SEC23IP: variants seen among roughly 807,000 people sequenced by gnomAD.
SEC23IP encodes the protein SEC23-interacting protein.
In SEC23IP, 70 loss-of-function variants were observed where a neutral mutation model predicts 113.4. The observed-to-expected ratio is 0.62, with a 90% CI of 0.51 to 0.75. SEC23IP has a LOEUF of 0.75. Ranked by LOEUF, SEC23IP falls within the 30% of genes least tolerant of loss-of-function variation. The pLI is 0.00. For synonymous variants in SEC23IP, 398 were observed against 421.0 expected (o/e 0.95, Z 0.67); for missense variants, 1,160 against 1,204.9 (o/e 0.96, Z 0.55).
chr10:119,904,938 A>G (rs1854613669), intron 4 of SEC23IP, among the ~76,000 whole-genome samples: 1 of 152,156 alleles, frequency 6.6e-6, no homozygotes, highest in East Asian at 1.9e-4. Context: ...TTTTGAGACC[A>G]GCCTGACCAA....
chr10:119,934,233 C>T (rs578121375), intron 18 of SEC23IP, among the ~76,000 whole-genome samples: 92 of 152,274 alleles, frequency 6.0e-4, no homozygotes, highest in African/African-American at 2.1e-3. Flanking sequence ...TAAGGTGCCC[C>T]CATGGTTGCA....
At chr10:119,924,034 G>A (rs928589048) in intron 12 of SEC23IP, among the ~76,000 whole-genome samples, 2 of 152,230 alleles carry the variant, frequency 1.3e-5, no homozygotes, top group East Asian at 3.8e-4. Flanking sequence ...GAGGAACCCT[G>A]AAAATGTTCC....
At position 119,940,872 on chromosome 10, in the gene SEC23IP, G is replaced by A. The variant is rs2134549546; in HGVS notation, c.*307G>A. 6.6e-6 allele frequency: 1 copy of A among 152,322 alleles called. No homozygotes were observed. Among genetic ancestry groups the A allele is most frequent in the Non-Finnish European group, 1.5e-5 (1 of 68,034 alleles). The allele number at this position is 152,322 out of a possible 1,614,324, so 9.4% of individuals were successfully genotyped here. A position where few individuals can be genotyped will look rare whatever the true frequency, so the allele number is the denominator to read the frequency against. Reference sequence around the variant, plus strand: ...AGTTGTATAGTTGTCAAAGTTATATGTGATATCAATGAAGAAATATTTGTA... The same window carrying A: ...AGTTGTATAGTTGTCAAAGTTATATATGATATCAATGAAGAAATATTTGTA... On this transcript the variant is annotated 3_prime_UTR_variant, in exon 19 of 19. Coordinates refer to ENST00000369075, the MANE Select transcript of SEC23IP (RefSeq NM_007190.4).
chr10:119,900,207 T>C (rs1028132698), intron 2 of SEC23IP, among the ~76,000 whole-genome samples: 6 of 152,068 alleles, frequency 3.9e-5, no homozygotes, highest in African/African-American at 7.2e-5. Context: ...TCTCAGGAAA[T>C]TGAGTGTTGA....
chr10:119,940,274 G>A (rs1300504684), intron 18 of SEC23IP, among the ~76,000 whole-genome samples: 5 of 147,708 alleles, frequency 3.4e-5, no homozygotes, highest in African/African-American at 5.0e-5. Flanking sequence ...TGCAAGCTCC[G>A]CCTCCCGTGT....
At chr10:119,919,159 A>G (rs1004903582) in intron 10 of SEC23IP, among the ~76,000 whole-genome samples, 1 of 151,836 alleles carries the variant, frequency 6.6e-6, no homozygotes. Context: ...AAGCTGAGCT[A>G]ATTTTTGTGT....
At position 119,919,450 on chromosome 10, in the gene SEC23IP, G is replaced by A. The variant is rs1403606162; in HGVS notation, c.1879G>A (p.Glu627Lys). 1.3e-6 allele frequency: 2 copies of A among 1,593,052 alleles called. No individual in the cohort carries two copies. The highest frequency in any genetic ancestry group is 1.7e-6 in the Non-Finnish European group (2 of 1,174,396). ...CATACTTTTTTTTTTAAAGATGCCT[G>A]AAGAGCCAAAGCTGACTTTGGATGA... ...QLHFQEKQMPEEPKLTLDESY... is the reference protein window; with the variant it reads ...QLHFQEKQMPKEPKLTLDESY... The change falls in exon 11 of 19, where the codon GAA becomes AAA. Residue 627 changes from glutamate to lysine, a missense_variant. Physicochemically the swap from Glu to Lys is moderately conservative, Grantham distance 56. Transcript: ENST00000369075.
rs1195932154 is a variant in SEC23IP, at chr10:119,940,362, T to TATTTTC, written c.*21-222_*21-217dup. The stretch of plus-strand genomic sequence containing the variant: ...GCCACCATGCCCAGCTAATTTTTTG[T>TATTTTC]ATTTTCAGTAGAGATGGGGTTTCAC... On this transcript the variant is annotated intron_variant, in intron 18 of 18. Coordinates refer to ENST00000369075, the MANE Select transcript of SEC23IP (RefSeq NM_007190.4). 1.7e-4 allele frequency among the ~76,000 whole-genome samples: 26 copies of TATTTTC among 152,084 alleles called. 1 individual carries two copies. Among genetic ancestry groups the TATTTTC allele is most frequent in the African/African-American group, 6.3e-4 (26 of 41,484 alleles).
At chr10:119,938,171 G>A (rs72826468) in intron 18 of SEC23IP, among the ~76,000 whole-genome samples, 16,376 of 151,802 alleles carry the variant, frequency 0.11, 936 homozygotes, top group South Asian at 0.17. Context: ...TGCCTTAACG[G>A]AAGTTGAGTT....
intron 12 of SEC23IP, among the ~76,000 whole-genome samples, chr10:119,921,973 GTCT>G (rs1386891204): frequency 1.4e-5 from 1 of 71,644 alleles, no homozygotes; most frequent in African/African-American, 7.1e-5. Context: ...AAGGAATTGA[GTCT>G]TCTCAGCATT....
chr10:119,926,296 C>A, intron 13 of SEC23IP, 69 bp downstream of exon 13: 1 of 1,324,732 alleles, frequency 7.5e-7, no homozygotes, highest in South Asian at 1.6e-5. Context: ...TTTGGGTTGG[C>A]TTTAAGTTCT....
chr10:119,932,120 T>C lies in SEC23IP; in HGVS notation c.2573-13T>C, dbSNP rs745905943. 2.5e-6 allele frequency: 4 copies of C among 1,580,288 alleles called. No homozygotes were observed. The South Asian group carries it at 3.4e-5, about 13-fold the overall frequency. ...TGACTAATTAACTTGTTGTGTCATC[T>C]TAATCTCTTTAGAATTGAAAGAGAG... On this transcript the variant is annotated splice_polypyrimidine_tract_variant and intron_variant, in intron 15 of 18. Transcript: ENST00000369075.
In SEC23IP at chr10:119,898,908, T is replaced by C. The variant is rs1333318027; in HGVS notation, c.645T>C (p.Pro215=). 4 of 1,602,628 alleles carry C rather than the reference T, an allele frequency of 2.5e-6. No homozygotes were observed. The highest frequency in any genetic ancestry group is 2.2e-5 in the South Asian group (2 of 90,922). ...QTPGPPAHPP[P]SGPPVQMYQM... is the part of the protein sequence containing the mutation. ...CAGGCCCTCCTGCTCATCCTCCACCTTCTGGACCCCCTGTTCAGATGTACC... is the reference window on the plus strand; with the variant it reads ...CAGGCCCTCCTGCTCATCCTCCACCCTCTGGACCCCCTGTTCAGATGTACC... The change falls in exon 2 of 19, where the codon CCT becomes CCC. Residue 215 remains proline, a synonymous_variant. Transcript: ENST00000369075.
Position 119,939,521 on chromosome 10 carries a change from A to G in SEC23IP, c.*21-1065A>G, listed in dbSNP as rs1035751942. ...GAAATCTTGTCTCTACTAAAAATAC[A>G]AAAATTAGCCGGGCGTGGTAGCACA... On this transcript the variant is annotated intron_variant, in intron 18 of 18. Coordinates refer to ENST00000369075, the MANE Select transcript of SEC23IP (RefSeq NM_007190.4). Among the ~76,000 whole-genome samples, 10 of 151,938 alleles carry G rather than the reference A, an allele frequency of 6.6e-5. No individual in the cohort carries two copies. In the East Asian group the frequency reaches 1.8e-3, roughly 27 times the overall value.
At chr10:119,896,277 T>G (rs981373810) in intron 1 of SEC23IP, among the ~76,000 whole-genome samples, 6 of 152,226 alleles carry the variant, frequency 3.9e-5, no homozygotes, top group Admixed American at 3.9e-4. Context: ...TGGCACAGAA[T>G]GCATCCTGAG....
chr10:119,893,335 C>T (rs1854158970), intron 1 of SEC23IP, among the ~76,000 whole-genome samples: 1 of 151,878 alleles, frequency 6.6e-6, no homozygotes, highest in South Asian at 2.1e-4. Context: ...GGTAAGATAC[C>T]TCCTAGGATG....
At chr10:119,903,073 T>A in intron 3 of SEC23IP, 64 bp downstream of exon 3, 7 of 1,296,972 alleles carry the variant, frequency 5.4e-6, no homozygotes, top group Non-Finnish European at 6.5e-6. Context: ...GATCATTTAT[T>A]CATGATCTAT....
chr10:119,907,539 G>T (rs1854715403), intron 4 of SEC23IP, among the ~76,000 whole-genome samples: 1 of 152,192 alleles, frequency 6.6e-6, no homozygotes. Flanking sequence ...TCCCCAAGAG[G>T]TCCTCACGCT....
At chr10:119,902,079 G>A (rs1041855353) in intron 2 of SEC23IP, among the ~76,000 whole-genome samples, 8 of 152,184 alleles carry the variant, frequency 5.3e-5, no homozygotes, top group Non-Finnish European at 8.8e-5. Context: ...TAAATAGGCC[G>A]GGTGTGGTGG....
Sources: gnomAD v4.1 joint callset for allele counts (sites outside exome capture counted in the v4.1 genomes callset) on GRCh38, gnomAD v4.1.1 for gene constraint, MANE v1.5 for transcripts, NCBI Gene and HGNC (gene_info 2026-07-23, HGNC 2026-07-21) for gene names.